Variants in BMPR1B observed in about 807,000 individuals in gnomAD.
BMPR1B encodes bone morphogenetic protein receptor type-1B.
In BMPR1B, 12 loss-of-function variants were observed where a neutral mutation model predicts 59.1. That is an observed-to-expected ratio of 0.20 (90% CI 0.13 to 0.33). BMPR1B has a LOEUF of 0.33. Ranked by LOEUF, BMPR1B falls within the 10% of genes least tolerant of loss-of-function variation. The pLI is 1.00. For missense variants in BMPR1B, 550 were observed against 610.9 expected (o/e 0.90, Z 1.05); for synonymous variants, 237 against 207.3 (o/e 1.14, Z -1.23).
At chr4:94,853,571 G>C (rs1020007096) in intron 1 of BMPR1B, among the ~76,000 whole-genome samples, 1 of 152,046 alleles carries the variant, frequency 6.6e-6, no homozygotes, top group African/African-American at 2.4e-5. Flanking sequence ...AACTTTTATT[G>C]TTTTTGGTTT....
At chr4:94,799,651 A>G (rs776246777) in intron 1 of BMPR1B, among the ~76,000 whole-genome samples, 1 of 150,850 alleles carries the variant, frequency 6.6e-6, no homozygotes, top group African/African-American at 2.4e-5. Flanking sequence ...TTTTGAGTGC[A>G]TGTGATTCAA....
chr4:94,911,784 G>A (rs1242291200), intron 2 of BMPR1B, among the ~76,000 whole-genome samples: 1 of 152,094 alleles, frequency 6.6e-6, no homozygotes, highest in Non-Finnish European at 1.5e-5. Flanking sequence ...TAGTAATGGT[G>A]GCTCCCCATG....
rs866643674 is a variant in BMPR1B, at chr4:94,758,475, G to T, written c.-183+407G>T. On this transcript the variant is annotated intron_variant, in intron 1 of 12. Transcript: ENST00000515059. ...ACCTGCGAGCGGAGGGATGGGGCGGGAGGGCGAGCTGAGGGCAGTCGCGGA... is the reference window on the plus strand; with the variant it reads ...ACCTGCGAGCGGAGGGATGGGGCGGTAGGGCGAGCTGAGGGCAGTCGCGGA... 1.2e-3 allele frequency among the ~76,000 whole-genome samples: 184 copies of T among 152,078 alleles called. 1 individual carries two copies. Among genetic ancestry groups the T allele is most frequent in the African/African-American group, 4.2e-3 (176 of 41,536 alleles).
intron 1 of BMPR1B, among the ~76,000 whole-genome samples, chr4:94,774,284 T>G (rs914920247): frequency 5.9e-5 from 9 of 152,030 alleles, no homozygotes; most frequent in Non-Finnish European, 1.3e-4. Flanking sequence ...GCTCTTAGTA[T>G]AAAATAGGAA....
Position 94,770,182 on chromosome 4 carries a change from G to GTTTTTTTTTTTTT in BMPR1B, c.-183+12117_-183+12118insTTTTTTTTTTTTT, listed in dbSNP as rs1215939344. Among the ~76,000 whole-genome samples the GTTTTTTTTTTTTT allele has an allele frequency of 6.3e-4, 25 of 39,978 alleles. 1 individual carries two copies. The highest frequency in any genetic ancestry group is 3.6e-3 in the East Asian group (1 of 276). 26.2% of individuals were successfully genotyped at this position (39,978 alleles called of 152,430 possible). On this transcript the variant is annotated intron_variant, in intron 1 of 12. Coordinates refer to ENST00000515059, the MANE Select transcript of BMPR1B (RefSeq NM_001203.3). ...TGTTTGAATTGTCCTTCGTTTCTGT[G>GTTTTTTTTTTTTT]TTTGTTTTTTTTTTTTTTTTTTGCG...
intron 2 of BMPR1B, among the ~76,000 whole-genome samples, chr4:94,887,717 G>T (rs114280155): frequency 1.3e-5 from 2 of 151,904 alleles, no homozygotes. Context: ...CAAATGACAC[G>T]AAGCAAAATG....
At chr4:94,816,210 G>A (rs543646077) in intron 1 of BMPR1B, among the ~76,000 whole-genome samples, 9 of 152,156 alleles carry the variant, frequency 5.9e-5, no homozygotes, top group Non-Finnish European at 1.0e-4. Flanking sequence ...GCAGTGGCAC[G>A]ATCTCAGCTG....
At chr4:94,920,671 G>A (rs1238173644) in intron 2 of BMPR1B, among the ~76,000 whole-genome samples, 1 of 152,170 alleles carries the variant, frequency 6.6e-6, no homozygotes, top group South Asian at 2.1e-4. Flanking sequence ...TTGCTGCCAA[G>A]GAGCATAAGC....
chr4:94,858,514 G>A (rs1725857338), intron 1 of BMPR1B, among the ~76,000 whole-genome samples: 1 of 152,020 alleles, frequency 6.6e-6, no homozygotes, highest in African/African-American at 2.4e-5. Flanking sequence ...TTTAAGATGT[G>A]GCAAGAGATA....
intron 3 of BMPR1B, among the ~76,000 whole-genome samples, chr4:95,080,241 T>C (rs1319283974): frequency 1.3e-5 from 2 of 152,204 alleles, no homozygotes; most frequent in Non-Finnish European, 2.9e-5. Context: ...TATGTACATA[T>C]GTACGTATGT....
chr4:95,148,716 T>C, intron 10 of BMPR1B, 32 bp from the exon 11 acceptor site: 4 of 1,604,662 alleles, frequency 2.5e-6, no homozygotes, highest in Non-Finnish European at 3.4e-6. Context: ...TCCTCTTCAA[T>C]GCTGTAATGC....
At chr4:94,888,793 G>A (rs1259394724) in intron 2 of BMPR1B, among the ~76,000 whole-genome samples, 1 of 151,878 alleles carries the variant, frequency 6.6e-6, no homozygotes, top group East Asian at 1.9e-4. Flanking sequence ...TATTTACATG[G>A]TAGGAAATTA....
intron 2 of BMPR1B, 113 bp downstream of exon 2, chr4:94,876,013 A>G (rs1165334491): frequency 1.3e-5 from 2 of 152,654 alleles, no homozygotes; most frequent in Admixed American, 6.5e-5. Context: ...AATACATTTT[A>G]TAAGATGAAT....
chr4:95,070,628 T>C (rs955947338), intron 3 of BMPR1B, among the ~76,000 whole-genome samples: 1 of 152,140 alleles, frequency 6.6e-6, no homozygotes, highest in African/African-American at 2.4e-5. Flanking sequence ...TAGTGCCTAG[T>C]GAGGAAGTTT....
At chr4:95,111,947 C>G (rs1192051703) in intron 4 of BMPR1B, among the ~76,000 whole-genome samples, 1 of 152,060 alleles carries the variant, frequency 6.6e-6, no homozygotes, top group Non-Finnish European at 1.5e-5. Context: ...TTCATGCAGT[C>G]TTTAAATTCT....
At chr4:94,831,165 A>G (rs1578692312) in intron 1 of BMPR1B, among the ~76,000 whole-genome samples, 2 of 149,890 alleles carry the variant, frequency 1.3e-5, no homozygotes, top group South Asian at 4.2e-4. Context: ...GACATTGGTG[A>G]TCCTGACCCT....
intron 2 of BMPR1B, among the ~76,000 whole-genome samples, chr4:94,948,541 G>A (rs561864729): frequency 6.5e-4 from 99 of 152,136 alleles, no homozygotes; most frequent in Non-Finnish European, 1.1e-3. Context: ...AAGGCTAAAA[G>A]CAAGGAAAAA....
chr4:94,917,702 G>A (rs1175290372), intron 2 of BMPR1B, among the ~76,000 whole-genome samples: 25 of 152,172 alleles, frequency 1.6e-4, no homozygotes, highest in Admixed American at 1.6e-3. Flanking sequence ...ACTTCAGACT[G>A]TGGATTTTTG....
chr4:95,117,259 C>T (rs556785499), intron 6 of BMPR1B, among the ~76,000 whole-genome samples: 1 of 152,300 alleles, frequency 6.6e-6, no homozygotes, highest in East Asian at 1.9e-4. Flanking sequence ...TCCATTTTAG[C>T]CTCACAGCAG....
Sources: allele counts gnomAD v4.1 joint callset (sites outside exome capture counted in the v4.1 genomes callset), GRCh38; gene constraint gnomAD v4.1.1; transcripts MANE v1.5; gene names NCBI Gene and HGNC (gene_info 2026-07-23, HGNC 2026-07-21).